The following MORN1 variants were observed in gnomAD, a reference collection of about 807,000 sequenced individuals.
MORN1 encodes the protein MORN repeat-containing protein 1.
MORN1 carries 67 observed loss-of-function variants against 61.9 expected under a neutral mutation model. The ratio of observed to expected loss-of-function variants is 1.08; its 90% CI spans 0.89 to 1.33. The LOEUF (loss-of-function observed/expected upper bound fraction) is 1.33, where lower values mean the gene tolerates loss of function less well. MORN1 is among the 40% of genes most tolerant of loss of function. The pLI, the probability that MORN1 is intolerant of heterozygous loss-of-function variation, is 0.00. For synonymous variants in MORN1, 301 were observed against 292.0 expected (o/e 1.03, Z -0.31); for missense variants, 752 against 691.2 (o/e 1.09, Z -0.99).
At chr1:2,381,887 G>A (rs1018347795) in intron 6 of MORN1, among the ~76,000 whole-genome samples, 3 of 152,226 alleles carry the variant, frequency 2.0e-5, no homozygotes, top group South Asian at 2.1e-4. Flanking sequence ...AGCAAGGCCC[G>A]GGCCAGTGTG....
chr1:2,354,270 T>C (rs939304614), intron 10 of MORN1, among the ~76,000 whole-genome samples: 9 of 151,618 alleles, frequency 5.9e-5, no homozygotes, highest in Non-Finnish European at 1.3e-4. Context: ...TCGTGAGGGG[T>C]TATACAGTTT....
intron 12 of MORN1, among the ~76,000 whole-genome samples, chr1:2,326,962 C>T (rs964144850): frequency 2.6e-5 from 4 of 152,216 alleles, no homozygotes; most frequent in Admixed American, 6.5e-5. Context: ...TCCCCACAGA[C>T]GCGCGCTGTG....
At chr1:2,335,324 G>C (rs1353109045) in intron 12 of MORN1, among the ~76,000 whole-genome samples, 2 of 152,158 alleles carry the variant, frequency 1.3e-5, no homozygotes. Flanking sequence ...CCCCACCCCC[G>C]GCGGAAGCAG....
intron 10 of MORN1, chr1:2,351,822 G>T: frequency 1.9e-6 from 1 of 536,306 alleles, no homozygotes; most frequent in Non-Finnish European, 3.6e-6. Flanking sequence ...TCTGTGGTCC[G>T]TGTGTGGCAG....
At chr1:2,365,102 T>G (rs1327012960) in intron 8 of MORN1, among the ~76,000 whole-genome samples, 1 of 151,666 alleles carries the variant, frequency 6.6e-6, no homozygotes, top group Admixed American at 6.6e-5. Context: ...GTGAAGAAAG[T>G]CATTGGTAGC....
At chr1:2,342,853 T>TTTTATTTTATTTTATTTTA in intron 10 of MORN1, among the ~76,000 whole-genome samples, 1 of 104,414 alleles carries the variant, frequency 9.6e-6, no homozygotes, top group African/African-American at 3.9e-5. Context: ...TTTTATTTTA[T>TTTTATTTTATTTTATTTTA]TTTATTTTAT....
At chr1:2,360,840 G>A (rs2100312587) in intron 8 of MORN1, among the ~76,000 whole-genome samples, 1 of 152,336 alleles carries the variant, frequency 6.6e-6, no homozygotes, top group African/African-American at 2.4e-5. Context: ...AAACTCAGAG[G>A]TCACAGGAAG....
At chr1:2,323,529 C>T (rs113168075) in intron 13 of MORN1, 14,337 of 985,312 alleles carry the variant, frequency 0.015, 163 homozygotes, top group Middle Eastern at 0.057. Context: ...TGGCATTCGG[C>T]CCCTCTGGCT....
chr1:2,332,078 T>C (rs561811245), intron 12 of MORN1: 2 of 168,854 alleles, frequency 1.2e-5, no homozygotes, highest in East Asian at 1.9e-4. Context: ...GATTTTTTTT[T>C]CAGTCATTTC....
chr1:2,385,999 C>T, intron 4 of MORN1, 102 bp from the exon 5 acceptor site: 1 of 1,009,784 alleles, frequency 9.9e-7, no homozygotes, highest in Non-Finnish European at 1.6e-6. Flanking sequence ...AGCAAAGTAG[C>T]AAGTCTAGGA....
In MORN1 at chr1:2,357,073, C is replaced by T. The variant is rs1267027249; in HGVS notation, c.1036+359G>A. On this transcript the variant is annotated intron_variant, in intron 10 of 13. Coordinates refer to ENST00000378531, the MANE Select transcript of MORN1 (RefSeq NM_024848.3). This position sits in a 1 kb window ranked among gnomAD's most constrained non-coding sequence, Gnocchi z 6.3. ...GGCCGGCGGCTGCTGTGAGGGCTCCCGGGCGGCAGGAGTGGCTGGGGCCGT... is the reference window on the plus strand; with the variant it reads ...GGCCGGCGGCTGCTGTGAGGGCTCCTGGGCGGCAGGAGTGGCTGGGGCCGT... 3.9e-5 allele frequency among the ~76,000 whole-genome samples: 6 copies of T among 152,140 alleles called. No homozygotes were observed. Among genetic ancestry groups the T allele is most frequent in the Admixed American group, 1.3e-4 (2 of 15,286 alleles).
At chr1:2,383,831 T>C (rs1412889969) in intron 6 of MORN1, among the ~76,000 whole-genome samples, 1 of 152,152 alleles carries the variant, frequency 6.6e-6, no homozygotes, top group African/African-American at 2.4e-5. Flanking sequence ...ACGCCCAGCA[T>C]GGGGGATGGC....
At chr1:2,362,417 G>GA (rs1177984451) in intron 8 of MORN1, among the ~76,000 whole-genome samples, 1 of 151,998 alleles carries the variant, frequency 6.6e-6, no homozygotes. Context: ...GTTCAAACCT[G>GA]TTTTTGTTCA....
At chr1:2,386,481 G>A (rs61294614) in intron 4 of MORN1, 2,773 of 155,870 alleles carry the variant, frequency 0.018, 90 homozygotes, top group African/African-American at 0.063. Context: ...CCAGGCTGGA[G>A]TGCAGTGGCA....
At position 2,357,497 on chromosome 1, in the gene MORN1, C is replaced by G. The variant is rs771869578; in HGVS notation, c.971G>C (p.Arg324Thr). 4 of 1,612,800 alleles carry G rather than the reference C, an allele frequency of 2.5e-6. No individual in the cohort carries two copies. Among genetic ancestry groups the G allele is most frequent in the Non-Finnish European group, 3.4e-6 (4 of 1,179,700 alleles). ...ACCCAAATGCAGCTCCAGGTCTCCC[C>G]TGGGCAGGGGCACGTCGGCTTCTGC... The part of the protein sequence containing the change: ...GGAEADVPLP[R>T]GDLELHLGAL... Residue 324 changes from arginine (R) to threonine (T), a missense_variant, in exon 10 of 14, where the codon AGG (arginine) becomes ACG (threonine). Arg to Thr is a moderately conservative substitution (Grantham distance 71). Coordinates refer to ENST00000378531, the MANE Select transcript of MORN1 (RefSeq NM_024848.3). The surrounding 1 kb of genome is among the most constrained non-coding windows in gnomAD (Gnocchi z 6.3).
chr1:2,384,929 C>A, intron 6 of MORN1, 49 bp downstream of exon 6: 2 of 1,480,632 alleles, frequency 1.4e-6, no homozygotes, highest in South Asian at 1.3e-5. Flanking sequence ...CCCTGCCCAC[C>A]ACGAGGCCTG....
intron 12 of MORN1, among the ~76,000 whole-genome samples, chr1:2,329,833 C>T (rs1304462700): frequency 6.6e-6 from 1 of 152,244 alleles, no homozygotes; most frequent in Non-Finnish European, 1.5e-5. Flanking sequence ...GTGGAGGAGG[C>T]ACCAGCAAGA....
At chr1:2,390,622 G>A in intron 1 of MORN1, 2 of 985,416 alleles carry the variant, frequency 2.0e-6, no homozygotes, top group Non-Finnish European at 2.4e-6. Context: ...AGGAGGGCAG[G>A]GGGTTACTAC....
chr1:2,379,008 A>AT (rs1172456226), intron 6 of MORN1: 3 of 470,932 alleles, frequency 6.4e-6, no homozygotes, highest in African/African-American at 2.0e-5. Context: ...TCAGGAATGC[A>AT]TTTTTTTCTA....
Sources: allele counts gnomAD v4.1 joint callset (sites outside exome capture counted in the v4.1 genomes callset), GRCh38; gene constraint gnomAD v4.1.1; non-coding constraint Gnocchi (gnomAD v3.1); transcripts MANE v1.5; gene names NCBI Gene and HGNC (gene_info 2026-07-23, HGNC 2026-07-21).